Variants in TENM3 observed in about 807,000 individuals in gnomAD.
TENM3 encodes teneurin-3.
Under a neutral mutation model 255.1 loss-of-function variants are expected in TENM3, and 63 were observed. That is an observed-to-expected ratio of 0.25 (90% CI 0.20 to 0.30). TENM3 has a LOEUF of 0.30. TENM3 is among the 10% of genes least tolerant of loss of function. The pLI is 1.00. For synonymous variants in TENM3, 1,306 were observed against 1,322.3 expected, an observed-to-expected ratio of 0.99 and a Z score of 0.27; for missense variants, 2,929 against 3,461.1, an observed-to-expected ratio of 0.85 and a Z score of 3.86.
chr4:182,415,263 G>A lies in TENM3; in HGVS notation c.511+68334G>A, dbSNP rs916480478. Among the ~76,000 whole-genome samples, 37 of 152,142 alleles carry A rather than the reference G, an allele frequency of 2.4e-4. 1 individual carries two copies. Among genetic ancestry groups the A allele is most frequent in the South Asian group, 2.1e-4 (1 of 4,828 alleles). On this transcript the variant is annotated intron_variant, in intron 3 of 27. Coordinates refer to ENST00000511685, the MANE Select transcript of TENM3 (RefSeq NM_001080477.4). Reference sequence around the variant, plus strand: ...TTGGTTGTGTCATCATTCTGGCACTGTTATCTTTGATTCCAAAAGAGAATG... The same window carrying A: ...TTGGTTGTGTCATCATTCTGGCACTATTATCTTTGATTCCAAAAGAGAATG...
intron 3 of TENM3, among the ~76,000 whole-genome samples, chr4:182,477,595 C>T (rs1426490120): frequency 6.6e-6 from 1 of 152,116 alleles, no homozygotes; most frequent in Non-Finnish European, 1.5e-5. Flanking sequence ...AATGTCTTTT[C>T]GTTCTTTATT....
intron 1 of TENM3, among the ~76,000 whole-genome samples, chr4:182,163,126 A>G (rs956044998): frequency 6.6e-6 from 1 of 151,950 alleles, no homozygotes; most frequent in Non-Finnish European, 1.5e-5. Flanking sequence ...CTTATTTCAG[A>G]GTTTCTGGTC....
intron 1 of TENM3, among the ~76,000 whole-genome samples, chr4:182,258,958 C>T (rs1178660168): frequency 6.6e-6 from 1 of 152,150 alleles, no homozygotes; most frequent in Non-Finnish European, 1.5e-5. Context: ...GAGTGCTGTG[C>T]TTTGGTTGGT....
At chr4:181,779,714 T>A in the TENM3 span, among the ~76,000 whole-genome samples, 3 of 152,150 alleles carry the variant, frequency 2.0e-5, no homozygotes, top group African/African-American at 7.2e-5. Context: ...TGTATACGTG[T>A]GCCATGTTGG....
intron 1 of TENM3, among the ~76,000 whole-genome samples, chr4:182,169,637 T>G (rs1751970864): frequency 6.6e-6 from 1 of 152,176 alleles, no homozygotes; most frequent in Admixed American, 6.5e-5. Context: ...GTTTACCAAA[T>G]AATGTAGTGT....
At chr4:182,304,398 G>A (rs562279686) in intron 1 of TENM3, among the ~76,000 whole-genome samples, 4 of 152,090 alleles carry the variant, frequency 2.6e-5, no homozygotes, top group Admixed American at 6.6e-5. Flanking sequence ...ATTTTTAGTA[G>A]AGATGGGGTT....
chr4:181,856,156 G>GAAGGAAGAAGGAAGGAAGGAA, the TENM3 span, among the ~76,000 whole-genome samples: 1 of 141,098 alleles, frequency 7.1e-6, no homozygotes, highest in Admixed American at 7.0e-5. Context: ...AGGAAGGAAA[G>GAAGGAAGAAGGAAGGAAGGAA]GGAAGGAAAG....
the TENM3 span, among the ~76,000 whole-genome samples, chr4:181,684,918 C>CTT: frequency 4.7e-3 from 212 of 45,048 alleles, 20 homozygotes; most frequent in African/African-American, 0.012. Flanking sequence ...CCGTGCCTGG[C>CTT]TTTTTTTTTT....
rs1767041481 is a variant in TENM3, at chr4:182,802,407, G to A, written c.*2056G>A. ...ATTTTTTAACTGTTAGGTATTTGCAGTTCTGTTCCGTGGAACTTCTGCAGG... is the reference window on the plus strand; with the variant it reads ...ATTTTTTAACTGTTAGGTATTTGCAATTCTGTTCCGTGGAACTTCTGCAGG... On this transcript the variant is annotated 3_prime_UTR_variant, in exon 28 of 28. Transcript: ENST00000511685. 1 of 152,594 alleles carries A rather than the reference G, an allele frequency of 6.6e-6. No homozygotes were observed. The highest frequency in any genetic ancestry group is 2.1e-4 in the South Asian group (1 of 4,830). 9.5% of individuals were successfully genotyped at this position (152,594 alleles called of 1,614,324 possible). A position where few individuals can be genotyped will look rare whatever the true frequency, so the allele number is the denominator to read the frequency against.
At chr4:181,616,192 G>A in the TENM3 span, among the ~76,000 whole-genome samples, 3 of 150,354 alleles carry the variant, frequency 2.0e-5, no homozygotes, top group South Asian at 6.3e-4. Flanking sequence ...TACATACACA[G>A]GCTGAAAAGG....
intron 1 of TENM3, among the ~76,000 whole-genome samples, chr4:182,287,658 G>T (rs1235479824): frequency 6.6e-6 from 1 of 151,848 alleles, no homozygotes. Flanking sequence ...CTGACACCCA[G>T]GCTGGAGTGC....
At chr4:181,462,232 T>C in the TENM3 span, among the ~76,000 whole-genome samples, 1 of 152,196 alleles carries the variant, frequency 6.6e-6, no homozygotes, top group Admixed American at 6.6e-5. Flanking sequence ...GCCGGGAATT[T>C]CCAGTAGTAG....
chr4:182,259,080 C>T (rs1758618709), intron 1 of TENM3, among the ~76,000 whole-genome samples: 1 of 152,056 alleles, frequency 6.6e-6, no homozygotes, highest in African/African-American at 2.4e-5. Context: ...CAGTGGCACC[C>T]CAAGCTAAAA....
chr4:181,610,868 G>A, the TENM3 span, among the ~76,000 whole-genome samples: 3 of 152,008 alleles, frequency 2.0e-5, no homozygotes, highest in South Asian at 2.1e-4. Context: ...ACTGTTCTCC[G>A]ACCAAAAGAT....
the TENM3 span, among the ~76,000 whole-genome samples, chr4:181,878,795 C>T: frequency 6.6e-6 from 1 of 152,200 alleles, no homozygotes; most frequent in South Asian, 2.1e-4. Flanking sequence ...GCCTACCTAC[C>T]TGTCTATCTA....
At chr4:181,752,994 A>G in the TENM3 span, among the ~76,000 whole-genome samples, 1 of 152,040 alleles carries the variant, frequency 6.6e-6, no homozygotes, top group Non-Finnish European at 1.5e-5. Flanking sequence ...CTAACATTGG[A>G]TGTGGAAGTA....
chr4:181,993,183 T>C, the TENM3 span, among the ~76,000 whole-genome samples: 1 of 152,124 alleles, frequency 6.6e-6, no homozygotes, highest in Non-Finnish European at 1.5e-5. Context: ...TTAGAAGTAA[T>C]CTGTCTTATC....
chr4:181,613,981 A>G, the TENM3 span, among the ~76,000 whole-genome samples: 1 of 151,156 alleles, frequency 6.6e-6, no homozygotes, highest in Non-Finnish European at 1.5e-5. Context: ...AAACAAAGCC[A>G]CTTTTCTCAT....
At chr4:181,990,966 G>A in the TENM3 span, among the ~76,000 whole-genome samples, 1 of 151,952 alleles carries the variant, frequency 6.6e-6, no homozygotes, top group Non-Finnish European at 1.5e-5. Flanking sequence ...TGTGGTCAAA[G>A]CACACATAAA....
Sources: gnomAD v4.1 joint callset for allele counts (sites outside exome capture counted in the v4.1 genomes callset) on GRCh38, gnomAD v4.1.1 for gene constraint, MANE v1.5 for transcripts, NCBI Gene and HGNC (gene_info 2026-07-23, HGNC 2026-07-21) for gene names.